Variants in C4orf51 observed in about 807,000 individuals in gnomAD.
C4orf51 encodes the protein uncharacterized protein C4orf51.
C4orf51 carries 25 observed loss-of-function variants against 25.2 expected under a neutral mutation model. That is an observed-to-expected ratio of 0.99 (90% CI 0.72 to 1.39). C4orf51 has a LOEUF of 1.39. C4orf51 is among the 40% of genes most tolerant of loss of function. C4orf51 has a pLI of 0.00. For missense variants in C4orf51, 252 were observed against 239.6 expected (o/e 1.05, Z -0.34); for synonymous variants, 100 against 84.5 (o/e 1.18, Z -1.01).
chr4:145,719,688 A>T (rs573786773), intron 2 of C4orf51, among the ~76,000 whole-genome samples: 36 of 152,160 alleles, frequency 2.4e-4, no homozygotes, highest in Admixed American at 5.2e-4. Context: ...GCAACACTTT[A>T]AAAATGAAGT....
At chr4:145,735,358 T>A (rs1732750360), downstream of C4orf51, among the ~76,000 whole-genome samples, 1 of 152,204 alleles carries the variant, frequency 6.6e-6, no homozygotes, top group Non-Finnish European at 1.5e-5. Context: ...CAGGCACACA[T>A]CCTCACATTG....
the C4orf51 span, among the ~76,000 whole-genome samples, chr4:145,792,387 GAAAA>G: frequency 2.7e-4 from 41 of 149,428 alleles, no homozygotes; most frequent in African/African-American, 3.2e-4. Context: ...AAAAAAAAAA[GAAAA>G]AAAAGAAATG....
At position 145,761,553 on chromosome 4, in the gene C4orf51, C is replaced by A. The variant is rs1289900210; in HGVS notation, n.167-9435C>A. 3.1e-6 allele frequency: 4 copies of A among 1,281,496 alleles called. No individual in the cohort carries two copies. In the African/African-American group the frequency reaches 4.6e-5, roughly 15 times the overall value. The allele number at this position is 1,281,496 out of a possible 1,614,324, so 79.4% of individuals were successfully genotyped here. On this transcript the variant is annotated intron_variant and non_coding_transcript_variant, in intron 1 of 1. Transcript: ENST00000510096. The surrounding 1 kb of genome is among the most constrained non-coding windows in gnomAD (Gnocchi z 6.8). Reference sequence around the variant, plus strand: ...TCTTGTAGTGGGTCTTGAGGTGGCACTCCATGGCAGCGGGGCGGTTGGTGG... The same window carrying A: ...TCTTGTAGTGGGTCTTGAGGTGGCAATCCATGGCAGCGGGGCGGTTGGTGG...
At chr4:145,717,288 A>C (rs1731472711) in intron 2 of C4orf51, among the ~76,000 whole-genome samples, 1 of 152,194 alleles carries the variant, frequency 6.6e-6, no homozygotes, top group East Asian at 1.9e-4. Context: ...ATAGTAAAGC[A>C]CTGGGAGGAC....
downstream of C4orf51, among the ~76,000 whole-genome samples, chr4:145,772,145 T>A (rs996729605): frequency 6.6e-6 from 1 of 152,172 alleles, no homozygotes; most frequent in Non-Finnish European, 1.5e-5. Context: ...ATCTGAATAG[T>A]TTTCTTACTT....
In C4orf51 at chr4:145,725,867, C is replaced by G. The variant is rs544454455; in HGVS notation, c.308-1044C>G. On this transcript the variant is annotated intron_variant, in intron 2 of 5. Transcript: ENST00000438731. Reference sequence around the variant, plus strand: ...CTAGATTATGGTGATGATTGCATAACCTGATAAGTTTACTTAATTCACTGA... The same window carrying G: ...CTAGATTATGGTGATGATTGCATAAGCTGATAAGTTTACTTAATTCACTGA... 5.9e-5 allele frequency among the ~76,000 whole-genome samples: 9 copies of G among 152,156 alleles called. No homozygotes were observed. In the South Asian group the frequency reaches 1.9e-3, roughly 32 times the overall value.
chr4:145,775,237 G>A (rs1736879977), downstream of C4orf51, among the ~76,000 whole-genome samples: 1 of 152,110 alleles, frequency 6.6e-6, no homozygotes, highest in Admixed American at 6.5e-5. Flanking sequence ...AATCAGTATG[G>A]CAACTCTCTA....
chr4:145,711,710 C>T (rs557900080), intron 2 of C4orf51, among the ~76,000 whole-genome samples: 15 of 152,120 alleles, frequency 9.9e-5, no homozygotes, highest in South Asian at 2.1e-4. Flanking sequence ...TGATGCTCTC[C>T]GTTGCATTTT....
At chr4:145,771,491 T>C (rs966894040), downstream of C4orf51, among the ~76,000 whole-genome samples, 3 of 152,240 alleles carry the variant, frequency 2.0e-5, no homozygotes, top group Admixed American at 6.5e-5. Context: ...CAATGCCATT[T>C]ATTGCAACAT....
At chr4:145,780,388 C>T in the C4orf51 span, among the ~76,000 whole-genome samples, 2 of 152,214 alleles carry the variant, frequency 1.3e-5, no homozygotes, top group African/African-American at 4.8e-5. Context: ...ATAACTACCA[C>T]ACGCTGTGCC....
chr4:145,720,710 T>C (rs1578986392), intron 2 of C4orf51, among the ~76,000 whole-genome samples: 1 of 152,216 alleles, frequency 6.6e-6, no homozygotes, highest in East Asian at 1.9e-4. Flanking sequence ...TTGGTGTGAT[T>C]GTCTTCATTG....
intron 2 of C4orf51, among the ~76,000 whole-genome samples, chr4:145,697,153 G>A (rs933958264): frequency 1.3e-5 from 2 of 149,872 alleles, no homozygotes; most frequent in African/African-American, 4.9e-5. Context: ...AGGCTGGAGT[G>A]CAGTGGTGCG....
chr4:145,748,654 C>T (rs1203603798), intron 1 of C4orf51, among the ~76,000 whole-genome samples: 1 of 152,082 alleles, frequency 6.6e-6, no homozygotes, highest in Non-Finnish European at 1.5e-5. Context: ...CATTCAGAAA[C>T]ATATTGTTTG....
intron 1 of C4orf51, among the ~76,000 whole-genome samples, chr4:145,695,304 T>C (rs1443067095): frequency 1.3e-5 from 2 of 152,230 alleles, no homozygotes; most frequent in African/African-American, 4.8e-5. Flanking sequence ...TGGTATCCCA[T>C]TGTAGTTTTA....
intron 2 of C4orf51, among the ~76,000 whole-genome samples, chr4:145,724,880 C>CAAAAAAAAAAAAAAAAA (rs1222983724): frequency 1.3e-4 from 9 of 68,290 alleles, no homozygotes; most frequent in Admixed American, 1.9e-4. Context: ...AAGACTGTCT[C>CAAAAAAAAAAAAAAAAA]AAAAAAAAAA....
At chr4:145,706,902 C>G (rs1430271048) in intron 2 of C4orf51, among the ~76,000 whole-genome samples, 1 of 151,448 alleles carries the variant, frequency 6.6e-6, no homozygotes, top group Non-Finnish European at 1.5e-5. Context: ...ACCTCCACCT[C>G]CCGGGTTCAA....
At chr4:145,737,127 A>C (rs1272241053), downstream of C4orf51, among the ~76,000 whole-genome samples, 1 of 152,072 alleles carries the variant, frequency 6.6e-6, no homozygotes, top group Non-Finnish European at 1.5e-5. Flanking sequence ...GCTAAATTTC[A>C]TGTTCATCAA....
chr4:145,721,807 G>A (rs1731755503), intron 2 of C4orf51, among the ~76,000 whole-genome samples: 1 of 152,148 alleles, frequency 6.6e-6, no homozygotes, highest in Non-Finnish European at 1.5e-5. Flanking sequence ...TAGAGATATG[G>A]TGGACACCAT....
intron 2 of C4orf51, among the ~76,000 whole-genome samples, chr4:145,697,378 G>GT (rs1730140501): frequency 6.6e-6 from 1 of 152,010 alleles, no homozygotes; most frequent in South Asian, 2.1e-4. Context: ...GATTACAAGC[G>GT]TAAGCCACCA....
Sources: allele counts gnomAD v4.1 joint callset (sites outside exome capture counted in the v4.1 genomes callset), GRCh38; gene constraint gnomAD v4.1.1; non-coding constraint Gnocchi (gnomAD v3.1); transcripts MANE v1.5; gene names NCBI Gene and HGNC (gene_info 2026-07-23, HGNC 2026-07-21).